The following RBFOX1 variants were observed in gnomAD, a reference collection of about 807,000 sequenced individuals.
RBFOX1 encodes the protein RNA binding protein fox-1 homolog 1.
Under a neutral mutation model 57.7 loss-of-function variants are expected in RBFOX1, and 8 were observed. That is an observed-to-expected ratio of 0.14 (90% CI 0.08 to 0.25). RBFOX1 has a LOEUF of 0.25. Among genes scored for constraint, RBFOX1 ranks in the 10% least tolerant of loss-of-function variants. The pLI is 1.00. For missense variants in RBFOX1, 611 were observed against 548.5 expected, an observed-to-expected ratio of 1.11 and a Z score of -1.14; for synonymous variants, 326 against 222.4, an observed-to-expected ratio of 1.47 and a Z score of -4.15.
chr16:7,239,532 G>A (rs1421257159), intron 4 of RBFOX1, among the ~76,000 whole-genome samples: 1 of 152,160 alleles, frequency 6.6e-6, no homozygotes, highest in East Asian at 1.9e-4. Flanking sequence ...GGAATCGGCT[G>A]GGATGATACC....
rs1390757477 is a variant in RBFOX1 at position 5,454,846 on chromosome 16, TTTCTTTCTTTTCTTTC to T, written c.220-12367_220-12352del. ...TTCTTTCCTTGCTTTCTTTCCTTTC[TTTCTTTCTTTTCTTTC>T]TTTCTTTCTTTCTTTCTTTCTTTCT... On this transcript the variant is annotated intron_variant, in intron 1 of 2. Coordinates refer to the RBFOX1 transcript ENST00000585867. 7.1e-3 allele frequency among the ~76,000 whole-genome samples: 957 copies of T among 134,316 alleles called. 12 individuals carry two copies. Among genetic ancestry groups the T allele is most frequent in the Non-Finnish European group, 0.012 (726 of 62,754 alleles). The allele number at this position is 134,316 out of a possible 152,430, so 88.1% of individuals were successfully genotyped here.
chr16:6,964,239 G>A (rs568801781), intron 3 of RBFOX1, among the ~76,000 whole-genome samples: 1 of 151,358 alleles, frequency 6.6e-6, no homozygotes, highest in East Asian at 2.0e-4. Flanking sequence ...GGCTGGTCTC[G>A]AACTGCTGAT....
chr16:7,148,053 T>C (rs922784327), intron 4 of RBFOX1, among the ~76,000 whole-genome samples: 1 of 152,196 alleles, frequency 6.6e-6, no homozygotes, highest in Non-Finnish European at 1.5e-5. Context: ...AAACTTTCTC[T>C]TTAGCAGAAC....
chr16:6,021,999 C>A (rs377024405), intron 1 of RBFOX1, among the ~76,000 whole-genome samples: 2 of 152,102 alleles, frequency 1.3e-5, no homozygotes. Flanking sequence ...GGTGGCTTGC[C>A]TTATACACAC....
At chr16:6,303,407 A>C (rs1329939853) in intron 1 of RBFOX1, among the ~76,000 whole-genome samples, 1 of 151,822 alleles carries the variant, frequency 6.6e-6, no homozygotes, top group Non-Finnish European at 1.5e-5. Flanking sequence ...TTCTTTCTCC[A>C]TGTTGAAGTA....
intron 1 of RBFOX1, among the ~76,000 whole-genome samples, chr16:6,194,400 G>T (rs1280067112): frequency 4.6e-5 from 7 of 152,094 alleles, no homozygotes; most frequent in Non-Finnish European, 5.9e-5. Flanking sequence ...CCCTGTTTAA[G>T]TGTTTTCAGG....
intron 4 of RBFOX1, among the ~76,000 whole-genome samples, chr16:7,175,483 C>G (rs990800129): frequency 6.6e-5 from 10 of 152,136 alleles, no homozygotes; most frequent in African/African-American, 2.4e-4. Flanking sequence ...TGACAGGGAG[C>G]TGAGACTTTC....
At chr16:6,566,291 G>C (rs909687980) in intron 2 of RBFOX1, among the ~76,000 whole-genome samples, 1 of 152,110 alleles carries the variant, frequency 6.6e-6, no homozygotes, top group African/African-American at 2.4e-5. Context: ...ATGGCGAACA[G>C]CTATGCCTAA....
intron 3 of RBFOX1, among the ~76,000 whole-genome samples, chr16:5,752,063 C>T (rs115388118): frequency 0.012 from 1,851 of 152,212 alleles, 51 homozygotes; most frequent in African/African-American, 0.043. Context: ...AAAATGTATG[C>T]ATATACCATG....
chr16:7,665,412 G>A (rs1436232907), intron 13 of RBFOX1, among the ~76,000 whole-genome samples: 5 of 152,000 alleles, frequency 3.3e-5, no homozygotes, highest in Admixed American at 3.3e-4. Flanking sequence ...GTAGCCTTAG[G>A]AACACTCTTT....
intron 1 of RBFOX1, among the ~76,000 whole-genome samples, chr16:5,435,092 G>A (rs1047363474): frequency 6.6e-6 from 1 of 152,196 alleles, no homozygotes; most frequent in East Asian, 1.9e-4. Flanking sequence ...AATAAATAAT[G>A]CAGTTAGACT....
chr16:5,927,694 TG>T (rs1292630128), intron 4 of RBFOX1, among the ~76,000 whole-genome samples: 1 of 152,204 alleles, frequency 6.6e-6, no homozygotes, highest in African/African-American at 2.4e-5. Context: ...GTGGAATCAG[TG>T]TAAGTGTCCT....
At chr16:5,694,432 C>T (rs913432914) in intron 3 of RBFOX1, among the ~76,000 whole-genome samples, 9 of 152,186 alleles carry the variant, frequency 5.9e-5, no homozygotes, top group Non-Finnish European at 1.2e-4. Flanking sequence ...TCTGTAACTT[C>T]GTGAACACAA....
chr16:6,880,847 C>T (rs1370213179), intron 3 of RBFOX1, among the ~76,000 whole-genome samples: 1 of 152,152 alleles, frequency 6.6e-6, no homozygotes, highest in Admixed American at 6.5e-5. Flanking sequence ...AATTGCTGGA[C>T]AGCAAACTAT....
At position 5,758,776 on chromosome 16, in the gene RBFOX1, G is replaced by A. The variant is rs1376921566; in HGVS notation, c.319-108527G>A. ...TCTAATCCAAGACCTTCACTTTTTG[G>A]ATAGGGTGGGAGAAAGGTTATGAAT... On this transcript the variant is annotated intron_variant, in intron 3 of 19. Coordinates refer to the RBFOX1 transcript ENST00000641259. 5.3e-5 allele frequency among the ~76,000 whole-genome samples: 8 copies of A among 152,108 alleles called. No individual in the cohort carries two copies. In the East Asian group the frequency reaches 1.2e-3, roughly 22 times the overall value.
intron 2 of RBFOX1, among the ~76,000 whole-genome samples, chr16:6,608,614 C>A (rs998231338): frequency 1.3e-5 from 2 of 152,118 alleles, no homozygotes; most frequent in Non-Finnish European, 2.9e-5. Flanking sequence ...CATGGCAAGA[C>A]CCCATCTCTA....
intron 1 of RBFOX1, among the ~76,000 whole-genome samples, chr16:6,232,202 T>G (rs909194472): frequency 2.0e-5 from 3 of 152,194 alleles, no homozygotes; most frequent in Non-Finnish European, 4.4e-5. Context: ...AGAAGTGGTT[T>G]GCTTCCTGAG....
At chr16:6,826,329 A>G (rs971629757) in intron 3 of RBFOX1, among the ~76,000 whole-genome samples, 6 of 152,240 alleles carry the variant, frequency 3.9e-5, no homozygotes, top group African/African-American at 1.4e-4. Context: ...CCTAGGCAAC[A>G]TGGGGAGACC....
At chr16:5,861,135 G>A (rs1182599800) in intron 3 of RBFOX1, among the ~76,000 whole-genome samples, 2 of 152,186 alleles carry the variant, frequency 1.3e-5, no homozygotes, top group East Asian at 1.9e-4. Context: ...GGGAGAGGTT[G>A]AGCAGAAGTG....
Sources: gnomAD v4.1 joint callset for allele counts (sites outside exome capture counted in the v4.1 genomes callset) on GRCh38, gnomAD v4.1.1 for gene constraint, MANE v1.5 for transcripts, NCBI Gene and HGNC (gene_info 2026-07-23, HGNC 2026-07-21) for gene names.